TMEM101: variants seen among roughly 807,000 people sequenced by gnomAD.
TMEM101 encodes putative NF-kappa-B-activating protein 130.
A neutral mutation model predicts 26.0 loss-of-function variants in TMEM101; 14 were observed. The observed-to-expected ratio is 0.54, with a 90% CI of 0.36 to 0.84. The LOEUF (loss-of-function observed/expected upper bound fraction) is 0.84, where lower values mean the gene tolerates loss of function less well. TMEM101 is among the 40% of genes least tolerant of loss of function. The pLI is 0.01. For synonymous variants in TMEM101, 152 were observed against 145.1 expected, an observed-to-expected ratio of 1.05 and a Z score of -0.34; for missense variants, 292 against 345.1, an observed-to-expected ratio of 0.85 and a Z score of 1.22.
chr17:44,011,418 C>T lies in TMEM101; in HGVS notation c.*510G>A, dbSNP rs2049156157. 6.2e-6 allele frequency: 1 copy of T among 160,040 alleles called. No homozygotes were observed. The highest frequency in any genetic ancestry group is 6.0e-5 in the Admixed American group (1 of 16,748). The allele number at this position is 160,040 out of a possible 1,614,324, so 9.9% of individuals were successfully genotyped here. On this transcript the variant is annotated 3_prime_UTR_variant, in exon 4 of 4. Transcript: ENST00000206380. ...TCTGCCCCTGGCATACCCTGAGAAC[C>T]CATGTGACTTCTGTAGTGCTCAGCC...
At chr17:44,013,219 G>C (rs228778) in intron 2 of TMEM101, 64 bp from the exon 3 acceptor site, 916,045 of 1,434,362 alleles carry the variant, frequency 0.64, 300,150 homozygotes, top group East Asian at 0.92. Flanking sequence ...TGGCTTCCCA[G>C]AGTGTAGAAC....
intron 1 of TMEM101, chr17:44,021,527 G>A (rs2049285772): frequency 6.6e-6 from 1 of 152,208 alleles, no homozygotes; most frequent in East Asian, 1.9e-4. Flanking sequence ...TCCCAGTATT[G>A]TTTTCCCCAA....
upstream of TMEM101, chr17:44,015,153 T>C (rs1020419094): frequency 1.0e-5 from 6 of 582,776 alleles, no homozygotes; most frequent in African/African-American, 1.1e-4. Context: ...GCCATATTTG[T>C]CCCTGCGAAT....
At chr17:44,022,376 T>G (rs2049293057) in intron 1 of TMEM101, among the ~76,000 whole-genome samples, 1 of 152,230 alleles carries the variant, frequency 6.6e-6, no homozygotes, top group Admixed American at 6.5e-5. Flanking sequence ...GTACACTGAC[T>G]GGGCCACTCA....
intron 1 of TMEM101, 68 bp from the exon 2 acceptor site, chr17:44,014,605 T>C (rs1036905665): frequency 1.4e-5 from 21 of 1,545,568 alleles, no homozygotes; most frequent in Non-Finnish European, 1.8e-5. Context: ...TTGAGACCCC[T>C]TGAGTTCCCA....
intron 2 of TMEM101, 148 bp from the exon 3 acceptor site, chr17:44,013,303 G>C (rs908123014): frequency 6.0e-5 from 42 of 700,454 alleles, no homozygotes; most frequent in Non-Finnish European, 8.3e-5. Context: ...AGGTGCAACA[G>C]AGACAGATCA....
At chr17:44,016,175 CTTTTT>C (rs911558922), upstream of TMEM101, among the ~76,000 whole-genome samples, 39 of 150,940 alleles carry the variant, frequency 2.6e-4, no homozygotes, top group Non-Finnish European at 5.3e-4. Context: ...CATATATATG[CTTTTT>C]TTTTATTTTT....
upstream of TMEM101, chr17:44,019,381 C>G (rs2049264445): frequency 2.4e-6 from 1 of 420,870 alleles, no homozygotes; most frequent in Non-Finnish European, 4.7e-6. Context: ...GGCCACTCGT[C>G]CGTGCACAGA....
upstream of TMEM101, among the ~76,000 whole-genome samples, chr17:44,017,008 C>T (rs577301756): frequency 5.9e-5 from 9 of 151,862 alleles, no homozygotes; most frequent in Admixed American, 2.0e-4. Context: ...TGGCTGTAAT[C>T]CCAGCTACTC....
At chr17:44,015,130 T>C (rs1409476824), upstream of TMEM101, 1 of 758,908 alleles carries the variant, frequency 1.3e-6, no homozygotes, top group Admixed American at 3.4e-5. Flanking sequence ...CGTCTGCTCA[T>C]GGAGCCTTCA....
chr17:44,017,299 C>T (rs1206837869), upstream of TMEM101, among the ~76,000 whole-genome samples: 5 of 151,232 alleles, frequency 3.3e-5, no homozygotes. Context: ...CCCATCTCTA[C>T]TAAAGATACA....
upstream of TMEM101, chr17:44,015,143 G>A: frequency 1.6e-6 from 1 of 638,412 alleles, no homozygotes; most frequent in Non-Finnish European, 2.5e-6. Context: ...AGCCTTCAGG[G>A]CCATATTTGT....
upstream of TMEM101, chr17:44,015,054 C>A: frequency 6.9e-7 from 1 of 1,455,732 alleles, no homozygotes; most frequent in Non-Finnish European, 9.2e-7. Flanking sequence ...TTTTTCCTCC[C>A]GGAAACAACG....
At chr17:44,016,125 GCACACA>G (rs34740275), upstream of TMEM101, among the ~76,000 whole-genome samples, 29 of 148,030 alleles carry the variant, frequency 2.0e-4, no homozygotes, top group African/African-American at 6.2e-4. Flanking sequence ...AGATACACAC[GCACACA>G]CACACACACA....
intron 2 of TMEM101, among the ~76,000 whole-genome samples, chr17:44,020,939 T>C (rs573292237): frequency 6.6e-6 from 1 of 152,378 alleles, no homozygotes. Context: ...ATCCAGGTGC[T>C]GATTACTAGC....
chr17:44,019,416 G>A (rs980035407), upstream of TMEM101: 1 of 333,706 alleles, frequency 3.0e-6, no homozygotes, highest in Non-Finnish European at 5.8e-6. Flanking sequence ...ATGAAGCTTC[G>A]GCACAATCTA....
At chr17:44,016,334 G>C, upstream of TMEM101, among the ~76,000 whole-genome samples, 1 of 151,846 alleles carries the variant, frequency 6.6e-6, no homozygotes, top group East Asian at 1.9e-4. Context: ...CACCACACCC[G>C]GCTAATTTTT....
rs2144008595 is a variant in TMEM101, at chr17:44,013,032, G to A, written c.442C>T (p.Leu148=). Residue 148 remains leucine, a synonymous_variant, in exon 3 of 4, where the codon CTG becomes TTG. Coordinates refer to ENST00000206380, the MANE Select transcript of TMEM101 (RefSeq NM_032376.4). ...RSLQSTGQVF[L]GIYLICVAYS... Reference sequence around the variant, plus strand: ...ACCACACAGATGAGGTAGATACCCAGGAACACCTGGCCGGTGGACTGCAGG... The same window carrying A: ...ACCACACAGATGAGGTAGATACCCAAGAACACCTGGCCGGTGGACTGCAGG... 1.9e-6 allele frequency: 3 copies of A among 1,606,014 alleles called. No homozygotes were observed. Among genetic ancestry groups the A allele is most frequent in the Non-Finnish European group, 1.7e-6 (2 of 1,173,844 alleles).
upstream of TMEM101, among the ~76,000 whole-genome samples, chr17:44,017,845 C>T (rs2049249562): frequency 6.6e-6 from 1 of 151,866 alleles, no homozygotes; most frequent in East Asian, 1.9e-4. Context: ...AAACCGGCCA[C>T]TAGGGTCGGG....
Sources: allele counts gnomAD v4.1 joint callset (sites outside exome capture counted in the v4.1 genomes callset), GRCh38; gene constraint gnomAD v4.1.1; transcripts MANE v1.5; gene names NCBI Gene and HGNC (gene_info 2026-07-23, HGNC 2026-07-21).